KCNAB2: variants seen among roughly 807,000 people sequenced by gnomAD.
KCNAB2 encodes potassium voltage-gated channel subfamily A regulatory beta subunit 2.
A neutral mutation model predicts 63.6 loss-of-function variants in KCNAB2; 29 were observed. The observed-to-expected ratio is 0.46, with a 90% CI of 0.34 to 0.62. The LOEUF is 0.62. KCNAB2 is among the 20% of genes least tolerant of loss of function. KCNAB2 has a pLI of 0.01. For missense variants in KCNAB2, 359 were observed against 563.9 expected, an observed-to-expected ratio of 0.64 and a Z score of 3.68; for synonymous variants, 222 against 224.2, an observed-to-expected ratio of 0.99 and a Z score of 0.09.
At position 6,089,391 on chromosome 1, in the gene KCNAB2, G is replaced by A. The variant is rs529679515; in HGVS notation, c.514+340G>A. ...CAATAGGGACAGTAAGAGCGCACCCGGCGAGGGTGGCTGGGATGCCTGCAG... is the reference window on the plus strand; with the variant it reads ...CAATAGGGACAGTAAGAGCGCACCCAGCGAGGGTGGCTGGGATGCCTGCAG... On this transcript the variant is annotated intron_variant, in intron 8 of 15. Coordinates refer to ENST00000378083, the MANE Select transcript of KCNAB2 (RefSeq NM_001199862.2). Among the ~76,000 whole-genome samples, 6 of 152,234 alleles carry A rather than the reference G, an allele frequency of 3.9e-5. No homozygotes were observed. The East Asian group carries it at 9.6e-4, about 24-fold the overall frequency.
At chr1:5,999,491 C>T (rs570839940) in intron 1 of KCNAB2, among the ~76,000 whole-genome samples, 72 of 152,306 alleles carry the variant, frequency 4.7e-4, no homozygotes, top group Middle Eastern at 3.4e-3. Flanking sequence ...TTGAAAGCTC[C>T]GGCGAGAAGG....
chr1:6,007,340 T>G (rs1354964163), intron 1 of KCNAB2: 1 of 152,234 alleles, frequency 6.6e-6, no homozygotes, highest in Non-Finnish European at 1.5e-5. Context: ...AGCAATGATC[T>G]CTCTGAAATT....
At chr1:6,001,137 G>A (rs1322753593) in intron 1 of KCNAB2, among the ~76,000 whole-genome samples, 3 of 152,070 alleles carry the variant, frequency 2.0e-5, no homozygotes, top group Non-Finnish European at 2.9e-5. Flanking sequence ...CATCTTTCAC[G>A]GAGGCCTCCT....
At position 6,086,474 on chromosome 1, in the gene KCNAB2, C is replaced by T. The variant is rs535589315; in HGVS notation, c.426-993C>T. Reference sequence around the variant, plus strand: ...TGCCAGAGCTCTGTGGCCGATGCTTCGGGGCAGAGGAGGCCTCCTACTCCA... The same window carrying T: ...TGCCAGAGCTCTGTGGCCGATGCTTTGGGGCAGAGGAGGCCTCCTACTCCA... On this transcript the variant is annotated intron_variant, in intron 6 of 15. Coordinates refer to ENST00000378083, the MANE Select transcript of KCNAB2 (RefSeq NM_001199862.2). This position sits in a 1 kb window ranked among gnomAD's most constrained non-coding sequence, Gnocchi z 4.2. The T allele has an allele frequency of 4.9e-4, 385 of 789,826 alleles. 1 individual carries two copies. The African/African-American group carries it at 7.0e-3, about 14-fold the overall frequency. The allele number at this position is 789,826 out of a possible 1,614,324, so 48.9% of individuals were successfully genotyped here. A position where few individuals can be genotyped will look rare whatever the true frequency, so the allele number is the denominator to read the frequency against.
At chr1:6,060,662 GA>G (rs370559962) in intron 2 of KCNAB2, among the ~76,000 whole-genome samples, 117 of 152,208 alleles carry the variant, frequency 7.7e-4, no homozygotes, top group Middle Eastern at 3.4e-3. Context: ...ATTACTTTGG[GA>G]GGCCCAGGCA....
At chr1:6,033,207 G>T (rs760489795), upstream of KCNAB2, among the ~76,000 whole-genome samples, 1 of 152,020 alleles carries the variant, frequency 6.6e-6, no homozygotes, top group Non-Finnish European at 1.5e-5. Flanking sequence ...GTGCGTGTGT[G>T]TGCATGTGGG....
intron 1 of KCNAB2, among the ~76,000 whole-genome samples, chr1:6,004,407 C>T (rs980865480): frequency 2.6e-5 from 4 of 151,980 alleles, no homozygotes; most frequent in Admixed American, 2.6e-4. Flanking sequence ...TTTCCTAGTA[C>T]CACAAGCAGG....
chr1:6,034,660 A>C (rs943555283), exon 1 of KCNAB2: 2 of 152,314 alleles, frequency 1.3e-5, no homozygotes, highest in Non-Finnish European at 2.9e-5. Flanking sequence ...CTCCGGAGAA[A>C]GCTGCCCTTG....
chr1:6,046,421 C>T (rs925626495), intron 1 of KCNAB2, among the ~76,000 whole-genome samples: 1 of 152,234 alleles, frequency 6.6e-6, no homozygotes, highest in Admixed American at 6.5e-5. Context: ...GGCAGCACCT[C>T]TCGCTTGAGT....
At chr1:6,090,766 T>C (rs1355865668) in intron 9 of KCNAB2, among the ~76,000 whole-genome samples, 3 of 152,198 alleles carry the variant, frequency 2.0e-5, no homozygotes, top group Non-Finnish European at 4.4e-5. Flanking sequence ...GCAGTGGAAC[T>C]GTCCCCTCCC....
chr1:6,063,781 G>A lies in KCNAB2; in HGVS notation c.219-8974G>A, dbSNP rs147936204. Among the ~76,000 whole-genome samples, 302 of 152,262 alleles carry A rather than the reference G, an allele frequency of 2.0e-3. 3 individuals are homozygous for A. The highest frequency in any genetic ancestry group is 1.4e-3 in the Non-Finnish European group (97 of 68,012). ...GCTACATCCTGTTTCTCCATTTGTC[G>A]GTTGATGGGTGTTTGGGTTGTTTCC... On this transcript the variant is annotated intron_variant, in intron 2 of 15. Transcript: ENST00000378083.
At chr1:6,015,436 G>A (rs941640523) in intron 1 of KCNAB2, among the ~76,000 whole-genome samples, 4 of 152,162 alleles carry the variant, frequency 2.6e-5, no homozygotes, top group South Asian at 4.1e-4. Context: ...ACACAGCCAC[G>A]CCCTTCATTT....
chr1:6,078,230 G>A lies in KCNAB2; in HGVS notation c.301-3965G>A, dbSNP rs569732940. Among the ~76,000 whole-genome samples, 101 of 152,304 alleles carry A rather than the reference G, an allele frequency of 6.6e-4. No homozygotes were observed. The highest frequency in any genetic ancestry group is 6.6e-3 in the East Asian group (34 of 5,176). On this transcript the variant is annotated intron_variant, in intron 4 of 15. Transcript: ENST00000378083. This position sits in a 1 kb window ranked among gnomAD's most constrained non-coding sequence, Gnocchi z 4.2. ...CTCCTCTTCTGTCAGTCAAGTCTCC[G>A]TCTGTCTCGTCCTCATAAGGTCACC...
At chr1:6,094,083 T>C (rs1173024095) in intron 10 of KCNAB2, among the ~76,000 whole-genome samples, 1 of 152,196 alleles carries the variant, frequency 6.6e-6, no homozygotes, top group Non-Finnish European at 1.5e-5. Context: ...AGCCACATTC[T>C]TTGATTGTCC....
At position 6,089,005 on chromosome 1, in the gene KCNAB2, C is replaced by T. The variant is rs1369062574; in HGVS notation, c.471-3C>T. The T allele has an allele frequency of 1.3e-6, 2 of 1,547,976 alleles. No homozygotes were observed. Among genetic ancestry groups the T allele is most frequent in the Non-Finnish European group, 1.7e-6 (2 of 1,145,610 alleles). On this transcript the variant is annotated splice_polypyrimidine_tract_variant and splice_region_variant and intron_variant, in intron 7 of 15. Transcript: ENST00000378083. ...CATCACACGCGGTCGGCCTGTTTTC[C>T]AGGGCGGAGACGGAGCGGGGCCTGT...
rs1272799678 is a variant in KCNAB2, at chr1:6,073,206, C to T, written c.262+408C>T. ...GCCCTTTTTCCTCTCCTGTCAGATA[C>T]AAGGCCTGTTTCCAGAATGTGCAGT... On this transcript the variant is annotated intron_variant, in intron 3 of 15. Transcript: ENST00000378083. This position sits in a 1 kb window ranked among gnomAD's most constrained non-coding sequence, Gnocchi z 5.7. 6.6e-6 allele frequency among the ~76,000 whole-genome samples: 1 copy of T among 152,096 alleles called. No individual in the cohort carries two copies. Among genetic ancestry groups the T allele is most frequent in the African/African-American group, 2.4e-5 (1 of 41,398 alleles).
Position 6,052,295 on chromosome 1 carries a change from T to C in KCNAB2, c.218+541T>C, listed in dbSNP as rs1044161107. 2.0e-5 allele frequency among the ~76,000 whole-genome samples: 3 copies of C among 151,866 alleles called. No homozygotes were observed. The East Asian group carries it at 5.8e-4, about 29-fold the overall frequency. ...AAGAAATTAGGTAGGCATGGTGCCA[T>C]GCACCTGTAGTCCCAGCTACTTGGG... On this transcript the variant is annotated intron_variant, in intron 2 of 15. Coordinates refer to ENST00000378083, the MANE Select transcript of KCNAB2 (RefSeq NM_001199862.2).
At chr1:5,995,090 C>T (rs552470082) in intron 1 of KCNAB2, among the ~76,000 whole-genome samples, 30 of 152,304 alleles carry the variant, frequency 2.0e-4, no homozygotes, top group African/African-American at 7.0e-4. Flanking sequence ...GATATTCACG[C>T]CGCCAGAGGT....
At chr1:6,010,876 C>T (rs1346311089) in intron 1 of KCNAB2, among the ~76,000 whole-genome samples, 1 of 152,200 alleles carries the variant, frequency 6.6e-6, no homozygotes, top group African/African-American at 2.4e-5. Context: ...GTGGAAGCGG[C>T]GAATGAGTGG....
Sources: allele counts gnomAD v4.1 joint callset (sites outside exome capture counted in the v4.1 genomes callset), GRCh38; gene constraint gnomAD v4.1.1; non-coding constraint Gnocchi (gnomAD v3.1); transcripts MANE v1.5; gene names NCBI Gene and HGNC (gene_info 2026-07-23, HGNC 2026-07-21).